The following PDE4B variants were observed in gnomAD, a reference collection of about 807,000 sequenced individuals.
PDE4B encodes 3',5'-cyclic-AMP phosphodiesterase 4B.
Under a neutral mutation model 82.2 loss-of-function variants are expected in PDE4B, and 20 were observed. The observed-to-expected ratio is 0.24, with a 90% CI of 0.17 to 0.35. The LOEUF (loss-of-function observed/expected upper bound fraction) is 0.35. Among genes scored for constraint, PDE4B ranks in the 10% least tolerant of loss-of-function variants. PDE4B has a pLI of 1.00. For missense variants in PDE4B, 655 were observed against 907.2 expected (o/e 0.72, Z 3.57); for synonymous variants, 320 against 318.9 (o/e 1.00, Z -0.04).
At chr1:66,210,570 T>G (rs1369048347) in intron 3 of PDE4B, among the ~76,000 whole-genome samples, 1 of 114,472 alleles carries the variant, frequency 8.7e-6, no homozygotes, top group Non-Finnish European at 1.6e-5. Flanking sequence ...CACTCCAGCC[T>G]GGGTGACAGA....
At chr1:65,980,056 G>A (rs531215961) in intron 3 of PDE4B, among the ~76,000 whole-genome samples, 2 of 152,228 alleles carry the variant, frequency 1.3e-5, no homozygotes, top group South Asian at 4.1e-4. Flanking sequence ...AGAGGTAAAA[G>A]CAAACAGATC....
At chr1:66,011,961 C>G (rs999921222) in intron 3 of PDE4B, among the ~76,000 whole-genome samples, 2 of 152,082 alleles carry the variant, frequency 1.3e-5, no homozygotes, top group Non-Finnish European at 2.9e-5. Flanking sequence ...AAAACCTCTT[C>G]TTTCTACATA....
chr1:66,012,114 A>G (rs1444257547), intron 3 of PDE4B, among the ~76,000 whole-genome samples: 2 of 152,000 alleles, frequency 1.3e-5, no homozygotes, highest in African/African-American at 2.4e-5. Flanking sequence ...TGCATGCCAC[A>G]TTTTTTTAGC....
chr1:65,920,863 T>C lies in PDE4B; in HGVS notation c.281+2028T>C, dbSNP rs1166767958. Among the ~76,000 whole-genome samples, 4 of 152,194 alleles carry C rather than the reference T, an allele frequency of 2.6e-5. 1 individual carries two copies. The highest frequency in any genetic ancestry group is 6.5e-5 in the Admixed American group (1 of 15,274). ...TGGTAATTCATTTATAACATGTGTG[T>C]TTTATTTCAATTAACAGGATACTTT... On this transcript the variant is annotated intron_variant, in intron 3 of 16. Transcript: ENST00000341517.
At chr1:66,225,736 T>C (rs1169843331) in intron 3 of PDE4B, among the ~76,000 whole-genome samples, 1 of 152,256 alleles carries the variant, frequency 6.6e-6, no homozygotes, top group Non-Finnish European at 1.5e-5. Context: ...TGTTTAACTT[T>C]GTAAATTATA....
chr1:66,145,702 G>A (rs1338842267), intron 3 of PDE4B, among the ~76,000 whole-genome samples: 1 of 152,102 alleles, frequency 6.6e-6, no homozygotes, highest in African/African-American at 2.4e-5. Flanking sequence ...AGTGATTTCC[G>A]CAAAAGCTTT....
chr1:66,190,228 A>G lies in PDE4B; in HGVS notation c.282-57232A>G, dbSNP rs537455428. Among the ~76,000 whole-genome samples the G allele has an allele frequency of 3.9e-5, 6 of 152,212 alleles. No individual in the cohort carries two copies. In the South Asian group the frequency reaches 1.0e-3, roughly 26 times the overall value. The stretch of plus-strand genomic sequence containing the variant: ...TCAGAGGAGTACCTGGCCGTGTGAG[A>G]TGTCAGTCTGCCTCTACTGGGGGGT... On this transcript the variant is annotated intron_variant, in intron 3 of 16. Coordinates refer to ENST00000341517, the MANE Select transcript of PDE4B (RefSeq NM_002600.4).
chr1:65,804,253 C>T (rs11208757), intron 1 of PDE4B, among the ~76,000 whole-genome samples: 27,341 of 152,050 alleles, frequency 0.18, 2,931 homozygotes, highest in East Asian at 0.44. Context: ...AGGAAGGAAG[C>T]TTTGCTTTTC....
chr1:66,072,611 C>T (rs1656210741), intron 3 of PDE4B, among the ~76,000 whole-genome samples: 1 of 152,086 alleles, frequency 6.6e-6, no homozygotes, highest in Non-Finnish European at 1.5e-5. Context: ...GGTGCCTATA[C>T]AATGCAGCCT....
At chr1:65,838,679 A>G (rs957358470) in intron 1 of PDE4B, among the ~76,000 whole-genome samples, 13 of 150,186 alleles carry the variant, frequency 8.7e-5, no homozygotes, top group African/African-American at 3.2e-4. Context: ...CCATTTCTTT[A>G]TTGTAGGAGC....
At chr1:66,069,272 C>G (rs1056934209) in intron 3 of PDE4B, among the ~76,000 whole-genome samples, 13 of 151,980 alleles carry the variant, frequency 8.6e-5, no homozygotes, top group African/African-American at 3.1e-4. Flanking sequence ...ATGTCTTTCT[C>G]TGAGCATCCT....
At chr1:65,871,708 T>G (rs747731770) in intron 1 of PDE4B, among the ~76,000 whole-genome samples, 1 of 152,218 alleles carries the variant, frequency 6.6e-6, no homozygotes, top group Non-Finnish European at 1.5e-5. Context: ...CCATGAATTG[T>G]GCAGGCTGCT....
At chr1:66,166,227 T>A (rs1646728686) in intron 3 of PDE4B, among the ~76,000 whole-genome samples, 1 of 152,148 alleles carries the variant, frequency 6.6e-6, no homozygotes, top group Non-Finnish European at 1.5e-5. Flanking sequence ...ATTTACTCCA[T>A]GTACAAAAAC....
At chr1:65,928,740 C>T (rs749296674) in intron 3 of PDE4B, among the ~76,000 whole-genome samples, 4 of 152,178 alleles carry the variant, frequency 2.6e-5, no homozygotes, top group African/African-American at 4.8e-5. Flanking sequence ...TCCATCATCC[C>T]AATCTCCCTA....
chr1:65,872,685 T>C lies in PDE4B; in HGVS notation c.-70-40560T>C, dbSNP rs541930312. 2.6e-5 allele frequency among the ~76,000 whole-genome samples: 4 copies of C among 152,328 alleles called. No homozygotes were observed. The East Asian group carries it at 7.7e-4, about 29-fold the overall frequency. On this transcript the variant is annotated intron_variant, in intron 1 of 16. Transcript: ENST00000341517. ...TTTTCTCTGTCCTCAGTCAGCATGC[T>C]TCATTGAATACTTATGGAATGAAAA...
chr1:66,138,964 CA>C (rs966175219), intron 3 of PDE4B, among the ~76,000 whole-genome samples: 1 of 152,152 alleles, frequency 6.6e-6, no homozygotes, highest in African/African-American at 2.4e-5. Flanking sequence ...CTTTGACCAC[CA>C]TAAAAATTTG....
chr1:66,054,347 A>T (rs1655192853), intron 3 of PDE4B, among the ~76,000 whole-genome samples: 3 of 152,196 alleles, frequency 2.0e-5, no homozygotes, highest in African/African-American at 7.2e-5. Flanking sequence ...AAAAAAGCAC[A>T]TATTTTAGGT....
intron 3 of PDE4B, among the ~76,000 whole-genome samples, chr1:66,219,625 G>T (rs1650801933): frequency 6.6e-6 from 1 of 152,082 alleles, no homozygotes; most frequent in Non-Finnish European, 1.5e-5. Flanking sequence ...AATGATGGCT[G>T]GGTTGGGCAA....
intron 3 of PDE4B, among the ~76,000 whole-genome samples, chr1:66,077,694 G>A (rs1656505737): frequency 6.6e-6 from 1 of 152,144 alleles, no homozygotes; most frequent in African/African-American, 2.4e-5. Context: ...AGGTACTTCT[G>A]AGAGATATTA....
Sources: allele counts gnomAD v4.1 joint callset (sites outside exome capture counted in the v4.1 genomes callset), GRCh38; gene constraint gnomAD v4.1.1; transcripts MANE v1.5; gene names NCBI Gene and HGNC (gene_info 2026-07-23, HGNC 2026-07-21).